SOHLH1: variants seen among roughly 807,000 people sequenced by gnomAD.
The protein encoded by SOHLH1 is spermatogenesis- and oogenesis-specific basic helix-loop-helix-containing protein 1.
Under a neutral mutation model 36.2 loss-of-function variants are expected in SOHLH1, and 23 were observed. That is an observed-to-expected ratio of 0.64 (90% CI 0.46 to 0.90). The LOEUF (loss-of-function observed/expected upper bound fraction) is 0.90. Among genes scored for constraint, SOHLH1 ranks in the 40% least tolerant of loss-of-function variants. SOHLH1 has a pLI of 0.00. For synonymous variants in SOHLH1, 289 were observed against 228.3 expected (o/e 1.27, Z -2.40); for missense variants, 608 against 517.0 (o/e 1.18, Z -1.71).
chr9:135,699,222 G>A, intron 1 of SOHLH1, 96 bp from the exon 2 acceptor site: 1 of 1,540,210 alleles, frequency 6.5e-7, no homozygotes, highest in South Asian at 1.2e-5. Flanking sequence ...GGTGCGGGTG[G>A]AAGCCAAGAC....
Position 135,696,654 on chromosome 9 carries a change from A to G in SOHLH1, c.619T>C (p.Leu207=). The change falls in exon 5 of 8, where the codon TTG becomes CTG. Residue 207 remains leucine (L), a synonymous_variant. Coordinates refer to ENST00000425225, the MANE Select transcript of SOHLH1 (RefSeq NM_001101677.2). ...SLGTDKCEAL[L]GLCQVRGGLP... is the part of the protein sequence containing the mutation. The stretch of plus-strand genomic sequence containing the variant: ...CCACCCCGCACCTGGCACAGCCCCA[A>G]CAGTGCCTCACACTTGTCCGTGCCC... The G allele has an allele frequency of 6.2e-7, 1 of 1,612,848 alleles. No homozygotes were observed. Among genetic ancestry groups the G allele is most frequent in the Non-Finnish European group, 8.5e-7 (1 of 1,179,870 alleles).
intron 1 of SOHLH1, 130 bp downstream of exon 1, chr9:135,699,273 T>G (rs988516601): frequency 1.3e-6 from 2 of 1,490,938 alleles, no homozygotes; most frequent in African/African-American, 2.8e-5. Context: ...TCTGCACCCC[T>G]TCCCCTCTCC....
intron 7 of SOHLH1, 134 bp from the exon 8 acceptor site, chr9:135,693,948 G>C (rs1834690330): frequency 7.0e-7 from 1 of 1,438,270 alleles, no homozygotes. Flanking sequence ...CAGAGGCTGT[G>C]ATGAGGTGGG....
At position 135,695,123 on chromosome 9, in the gene SOHLH1, C is replaced by T. The variant is rs1262297445; in HGVS notation, c.802G>A (p.Gly268Arg). The T allele has an allele frequency of 6.3e-7, 1 of 1,596,612 alleles. No individual in the cohort carries two copies. Among genetic ancestry groups the T allele is most frequent in the Non-Finnish European group, 8.5e-7 (1 of 1,173,698 alleles). ...GEALGWLGQA[G>R]PLAMGAAPLG... ...GGTGCAGCCCCCATGGCCAGGGGCC[C>T]AGCCTGGCCCAGCCAGCCAAGGGCC... The change falls in exon 6 of 8, where the codon GGG (glycine) becomes AGG (arginine). Residue 268 changes from glycine to arginine, a missense_variant. Coordinates refer to ENST00000425225, the MANE Select transcript of SOHLH1 (RefSeq NM_001101677.2).
intron 7 of SOHLH1, 33 bp downstream of exon 7, chr9:135,694,354 G>C: frequency 6.2e-7 from 1 of 1,611,850 alleles, no homozygotes. Context: ...GCTTACGCGG[G>C]GGGACCAGCC....
intron 6 of SOHLH1, 40 bp downstream of exon 6, chr9:135,695,010 C>T: frequency 6.5e-7 from 1 of 1,550,200 alleles, no homozygotes; most frequent in Non-Finnish European, 8.7e-7. Flanking sequence ...CACATGCTCG[C>T]TCACGCACAC....
intron 5 of SOHLH1, 38 bp from the exon 6 acceptor site, chr9:135,695,301 C>A (rs777909798): frequency 1.5e-5 from 24 of 1,555,900 alleles, no homozygotes; most frequent in South Asian, 2.4e-5. Flanking sequence ...CCTTCCCTGC[C>A]CAGCCCCACA....
chr9:135,694,906 C>G, intron 6 of SOHLH1, 144 bp downstream of exon 6: 1 of 942,812 alleles, frequency 1.1e-6, no homozygotes, highest in Non-Finnish European at 1.6e-6. Flanking sequence ...GCCTTGGCCT[C>G]CCTCCCACGG....
intron 3 of SOHLH1, 55 bp from the exon 4 acceptor site, chr9:135,697,682 C>G: frequency 6.3e-7 from 1 of 1,582,402 alleles, no homozygotes; most frequent in South Asian, 1.1e-5. Context: ...CTGAGAAACC[C>G]AAGACACGGT....
chr9:135,701,739 C>G (rs1714808547), upstream of SOHLH1, among the ~76,000 whole-genome samples: 1 of 152,172 alleles, frequency 6.6e-6, no homozygotes, highest in Non-Finnish European at 1.5e-5. Context: ...GGCGGGGAGT[C>G]GTCTTGAATC....
In SOHLH1 at chr9:135,693,497, C is replaced by T. The variant is rs1360656100; in HGVS notation, c.*100G>A. ...AAGCCTCGCTCAAATTAGGGTGCAG[C>T]TGCAACCCAAACCCAAAATAAAATG... On this transcript the variant is annotated 3_prime_UTR_variant, in exon 8 of 8. Transcript: ENST00000425225. 2.1e-5 allele frequency: 30 copies of T among 1,442,768 alleles called. No individual in the cohort carries two copies. Among genetic ancestry groups the T allele is most frequent in the African/African-American group, 2.8e-5 (2 of 70,238 alleles). The allele number at this position is 1,442,768 out of a possible 1,614,324, so 89.4% of individuals were successfully genotyped here.
At chr9:135,699,531 A>C (rs1834960066), upstream of SOHLH1, 1 of 1,537,444 alleles carries the variant, frequency 6.5e-7, no homozygotes, top group Non-Finnish European at 8.9e-7. Flanking sequence ...CCGCCCCCTC[A>C]CGTGTGCTCT....
chr9:135,696,942 T>C (rs1163551136), intron 4 of SOHLH1, 137 bp from the exon 5 acceptor site: 2 of 1,005,148 alleles, frequency 2.0e-6, no homozygotes, highest in Non-Finnish European at 3.0e-6. Flanking sequence ...AGCCAGCCTC[T>C]GCCCAGGGGC....
At chr9:135,699,488 A>G (rs778990891), upstream of SOHLH1, 2 of 1,608,878 alleles carry the variant, frequency 1.2e-6, no homozygotes, top group South Asian at 2.2e-5. Context: ...CTGCGGAGCG[A>G]CCCCACGCGC....
At chr9:135,696,452 A>T (rs963518846) in intron 5 of SOHLH1, among the ~76,000 whole-genome samples, 160 bp downstream of exon 5, 2 of 152,028 alleles carry the variant, frequency 1.3e-5, no homozygotes, top group Non-Finnish European at 2.9e-5. Flanking sequence ...GGGGCCTTGA[A>T]TCAAGCTCAT....
upstream of SOHLH1, among the ~76,000 whole-genome samples, chr9:135,700,898 G>C (rs900202699): frequency 6.6e-6 from 1 of 152,150 alleles, no homozygotes; most frequent in Non-Finnish European, 1.5e-5. Context: ...GTGGGGCCAA[G>C]TTTTTGTTTC....
intron 7 of SOHLH1, 143 bp from the exon 8 acceptor site, chr9:135,693,957 G>C (rs1263756636): frequency 1.3e-5 from 19 of 1,434,656 alleles, no homozygotes; most frequent in Non-Finnish European, 1.6e-5. Flanking sequence ...TGATGAGGTG[G>C]GTGAGCTCAT....
chr9:135,696,905 G>A (rs1834826363), intron 4 of SOHLH1, 100 bp from the exon 5 acceptor site: 2 of 1,313,546 alleles, frequency 1.5e-6, no homozygotes, highest in East Asian at 2.5e-5. Context: ...CCCATCCCCA[G>A]GACACCCCAG....
chr9:135,694,495 GACCCAGACCTTGGAGC>G (rs1338636096), intron 6 of SOHLH1, 38 bp from the exon 7 acceptor site: 1 of 1,609,360 alleles, frequency 6.2e-7, no homozygotes, highest in Admixed American at 1.7e-5. Flanking sequence ...GCCACAAGCG[GACCCAGACCTTGGAGC>G]TCAAGGAAAC....
Sources: allele counts gnomAD v4.1 joint callset (sites outside exome capture counted in the v4.1 genomes callset), GRCh38; gene constraint gnomAD v4.1.1; transcripts MANE v1.5; gene names NCBI Gene and HGNC (gene_info 2026-07-23, HGNC 2026-07-21).